Variants in PPARGC1A observed in about 807,000 individuals in gnomAD.
PPARGC1A encodes PPARG coactivator 1 alpha, also known as peroxisome proliferator-activated receptor gamma coactivator 1-alpha.
In PPARGC1A, 25 loss-of-function variants were observed where a neutral mutation model predicts 88.7. The observed-to-expected ratio is 0.28, with a 90% CI of 0.21 to 0.39. PPARGC1A has a LOEUF of 0.39. Among genes scored for constraint, PPARGC1A ranks in the 10% least tolerant of loss-of-function variants. PPARGC1A has a pLI of 1.00. For synonymous variants in PPARGC1A, 363 were observed against 355.6 expected (o/e 1.02, Z -0.24); for missense variants, 880 against 968.7 (o/e 0.91, Z 1.22).
At chr4:24,141,550 G>C in the PPARGC1A span, among the ~76,000 whole-genome samples, 1 of 152,184 alleles carries the variant, frequency 6.6e-6, no homozygotes, top group Admixed American at 6.5e-5. Flanking sequence ...TCAAGGAATT[G>C]CTTATCAAGC....
chr4:23,954,274 G>T, the PPARGC1A span, among the ~76,000 whole-genome samples: 1 of 152,036 alleles, frequency 6.6e-6, no homozygotes, highest in East Asian at 1.9e-4. Context: ...AATGCTAACT[G>T]TGTTGATACA....
chr4:23,909,906 G>A, the PPARGC1A span, among the ~76,000 whole-genome samples: 3 of 150,880 alleles, frequency 2.0e-5, no homozygotes, highest in African/African-American at 7.3e-5. Flanking sequence ...AGCTGCTAAG[G>A]GAAATACAAA....
chr4:24,279,111 G>A, the PPARGC1A span, among the ~76,000 whole-genome samples: 3 of 152,140 alleles, frequency 2.0e-5, no homozygotes, highest in African/African-American at 7.2e-5. Flanking sequence ...AACCTTTTTG[G>A]CCTTCCAATT....
the PPARGC1A span, among the ~76,000 whole-genome samples, chr4:24,385,492 C>T: frequency 1.6e-3 from 242 of 152,210 alleles, no homozygotes; most frequent in Non-Finnish European, 3.1e-3. Context: ...AGATAGACCA[C>T]TAGCCAGACT....
At chr4:23,808,527 A>G (rs1460337969) in intron 10 of PPARGC1A, among the ~76,000 whole-genome samples, 1 of 152,174 alleles carries the variant, frequency 6.6e-6, no homozygotes, top group Non-Finnish European at 1.5e-5. Flanking sequence ...AGTTGGACTT[A>G]GAACTCCACA....
At chr4:24,016,158 C>G in the PPARGC1A span, among the ~76,000 whole-genome samples, 1 of 152,054 alleles carries the variant, frequency 6.6e-6, no homozygotes, top group East Asian at 1.9e-4. Flanking sequence ...AAATTGGAAA[C>G]CATTATTTTC....
the PPARGC1A span, among the ~76,000 whole-genome samples, chr4:24,445,129 G>C: frequency 6.6e-6 from 1 of 152,176 alleles, no homozygotes; most frequent in African/African-American, 2.4e-5. Flanking sequence ...ATCCTGAACA[G>C]TGCTTCACAT....
At chr4:24,325,028 CCAGCAATTTACT>C in the PPARGC1A span, among the ~76,000 whole-genome samples, 2 of 152,166 alleles carry the variant, frequency 1.3e-5, no homozygotes, top group Non-Finnish European at 2.9e-5. Flanking sequence ...CCCCACCTGC[CCAGCAATTTACT>C]CTTAAAAAGG....
chr4:23,939,086 C>T, the PPARGC1A span, among the ~76,000 whole-genome samples: 5 of 152,116 alleles, frequency 3.3e-5, no homozygotes, highest in African/African-American at 9.7e-5. Context: ...TTTCTTGTCA[C>T]TTAGCTCTCT....
At chr4:24,333,927 C>CCAA in the PPARGC1A span, among the ~76,000 whole-genome samples, 14 of 75,580 alleles carry the variant, frequency 1.9e-4, no homozygotes, top group African/African-American at 3.6e-4. Context: ...GAGGAAGACT[C>CCAA]CAACAACAAC....
the PPARGC1A span, among the ~76,000 whole-genome samples, chr4:24,458,183 A>G: frequency 6.6e-6 from 1 of 152,166 alleles, no homozygotes; most frequent in Non-Finnish European, 1.5e-5. Flanking sequence ...AAAAAGGGTT[A>G]TTTTGGGGTT....
the PPARGC1A span, among the ~76,000 whole-genome samples, chr4:24,226,834 C>T: frequency 2.0e-5 from 3 of 152,130 alleles, no homozygotes; most frequent in Non-Finnish European, 4.4e-5. Context: ...GGTCTATGAT[C>T]GTGTGATGTT....
At chr4:23,844,634 A>C (rs1283428456) in intron 2 of PPARGC1A, among the ~76,000 whole-genome samples, 2 of 42,616 alleles carry the variant, frequency 4.7e-5, no homozygotes, top group Non-Finnish European at 7.5e-5. Flanking sequence ...AATATATAAT[A>C]ATATATATCA....
chr4:23,834,152 T>C (rs1472974759), intron 2 of PPARGC1A, among the ~76,000 whole-genome samples: 1 of 151,968 alleles, frequency 6.6e-6, no homozygotes, highest in East Asian at 1.9e-4. Context: ...ACAAAAAAAT[T>C]AGCCAGGCGT....
the PPARGC1A span, among the ~76,000 whole-genome samples, chr4:23,971,996 G>A: frequency 2.7e-4 from 41 of 151,804 alleles, no homozygotes; most frequent in Admixed American, 9.8e-4. Flanking sequence ...ATAATCTACC[G>A]TCAGGACCAT....
the PPARGC1A span, among the ~76,000 whole-genome samples, chr4:24,023,418 C>A: frequency 0.93 from 141,874 of 152,234 alleles, 66,159 homozygotes; most frequent in Admixed American, 0.95. Flanking sequence ...TGAGATCCTC[C>A]CCAAAAAGTA....
At chr4:23,850,353 G>A (rs1729059794) in intron 2 of PPARGC1A, among the ~76,000 whole-genome samples, 1 of 152,174 alleles carries the variant, frequency 6.6e-6, no homozygotes, top group African/African-American at 2.4e-5. Context: ...TTTTCTTTGA[G>A]CTTCTGTGAC....
the PPARGC1A span, among the ~76,000 whole-genome samples, chr4:24,246,492 G>A: frequency 1.3e-5 from 2 of 152,170 alleles, no homozygotes; most frequent in Non-Finnish European, 2.9e-5. Flanking sequence ...GTGCCTATCT[G>A]TAGCCCCAGC....
At chr4:23,934,807 A>G in the PPARGC1A span, among the ~76,000 whole-genome samples, 1 of 152,104 alleles carries the variant, frequency 6.6e-6, no homozygotes, top group Admixed American at 6.6e-5. Context: ...CTTGCCCAAG[A>G]CCCCGGATCC....
Sources: allele counts gnomAD v4.1 joint callset (sites outside exome capture counted in the v4.1 genomes callset), GRCh38; gene constraint gnomAD v4.1.1; transcripts MANE v1.5; gene names NCBI Gene and HGNC (gene_info 2026-07-23, HGNC 2026-07-21).